The following SRP19 variants were observed in gnomAD, a reference collection of about 807,000 sequenced individuals.
The protein encoded by SRP19 is signal recognition particle 19 kDa protein.
Under a neutral mutation model 22.4 loss-of-function variants are expected in SRP19, and 11 were observed. The observed-to-expected ratio is 0.49, with a 90% CI of 0.31 to 0.81. SRP19 has a LOEUF of 0.81. Ranked by LOEUF, SRP19 falls within the 40% of genes least tolerant of loss-of-function variation. SRP19 has a pLI of 0.05. For missense variants in SRP19, 168 were observed against 175.9 expected, an observed-to-expected ratio of 0.96 and a Z score of 0.25; for synonymous variants, 61 against 57.6, an observed-to-expected ratio of 1.06 and a Z score of -0.27.
At chr5:112,862,473 T>A (rs772560932) in intron 1 of SRP19, 35 bp from the exon 2 acceptor site, 1 of 1,594,820 alleles carries the variant, frequency 6.3e-7, no homozygotes, top group Non-Finnish European at 8.6e-7. Flanking sequence ...CTCTTACTGC[T>A]CTAGTGATAC....
chr5:112,880,436 G>A (rs1371995546), intron 4 of SRP19, among the ~76,000 whole-genome samples: 1 of 151,934 alleles, frequency 6.6e-6, no homozygotes, highest in African/African-American at 2.4e-5. Context: ...TCTTGATGGA[G>A]CCAGAGCCTT....
chr5:112,862,023 T>C (rs1202348755), intron 1 of SRP19, among the ~76,000 whole-genome samples: 2 of 152,364 alleles, frequency 1.3e-5, no homozygotes, highest in East Asian at 3.9e-4. Flanking sequence ...ACCGAAAGAA[T>C]GTATTTTTGA....
Position 112,867,412 on chromosome 5 carries a change from G to A in SRP19, c.310G>A (p.Val104Ile). ...TAACTTCTGGTTCCTAGGTAAGTCA[G>A]TAATGTTGTATGCAGCAGAAATGAT... ...CLVQFPSRKS[V>I]MLYAAEMIPK... is the part of the protein sequence containing the mutation. Residue 104 changes from valine to isoleucine, a missense_variant, in exon 5 of 5, where the codon GTA (valine) becomes ATA (isoleucine). By Grantham distance (29) the Val-to-Ile change is conservative. Transcript: ENST00000505459. 4 of 1,612,566 alleles carry A rather than the reference G, an allele frequency of 2.5e-6. No individual in the cohort carries two copies. The highest frequency in any genetic ancestry group is 3.4e-6 in the Non-Finnish European group (4 of 1,179,054).
In SRP19 at chr5:112,884,487, C is replaced by T. The variant is rs187309786; in HGVS notation, c.302-7116C>T. ...TGATTACCTGGGCCCAAGTGATCCT[C>T]CTGCCTCAGCCTCCTGAGTAGCTGG... On this transcript the variant is annotated intron_variant, in intron 4 of 4. Transcript: ENST00000391338. Among the ~76,000 whole-genome samples the T allele has an allele frequency of 8.7e-4, 132 of 151,490 alleles. 1 individual carries two copies. Among genetic ancestry groups the T allele is most frequent in the Middle Eastern group, 3.4e-3 (1 of 294 alleles).
At chr5:112,893,149 C>G (rs1189296859), downstream of SRP19, 3 of 725,928 alleles carry the variant, frequency 4.1e-6, no homozygotes, top group Non-Finnish European at 6.4e-6. Flanking sequence ...GTGGCTCACA[C>G]CTGTAATCCC....
exon 5 of SRP19, chr5:112,892,207 G>A (rs1407096951): frequency 6.2e-7 from 1 of 1,614,172 alleles, no homozygotes; most frequent in Non-Finnish European, 8.5e-7. Flanking sequence ...CAGATTTGGA[G>A]ACAGATGTTC....
intron 4 of SRP19, among the ~76,000 whole-genome samples, chr5:112,886,728 A>G (rs532156826): frequency 4.7e-4 from 72 of 152,392 alleles, no homozygotes; most frequent in African/African-American, 9.9e-4. Context: ...ATGGACTTGC[A>G]TATCAATATA....
rs745340401 is a variant in SRP19, at chr5:112,887,154, C to T, written c.302-4449C>T. ...GCAGTTCAGCCCCATTAGAAGGGCT[C>T]GGGGCCATGCACCACAACAGGAAGC... On this transcript the variant is annotated intron_variant, in intron 4 of 4. Coordinates refer to the SRP19 transcript ENST00000391338. 2.0e-5 allele frequency: 32 copies of T among 1,607,760 alleles called. No individual in the cohort carries two copies. The East Asian group carries it at 2.2e-4, about 11-fold the overall frequency.
At chr5:112,887,374 G>T (rs1700252275) in intron 4 of SRP19, among the ~76,000 whole-genome samples, 1 of 152,182 alleles carries the variant, frequency 6.6e-6, no homozygotes, top group South Asian at 2.1e-4. Context: ...TAATGAGCTG[G>T]TAAGGAAAAG....
intron 2 of SRP19, 25 bp downstream of exon 2, chr5:112,862,608 ATCCTCGAGGG>A: frequency 6.2e-7 from 1 of 1,606,750 alleles, no homozygotes; most frequent in Non-Finnish European, 8.5e-7. Context: ...TGGCACCTTG[ATCCTCGAGGG>A]AATGGGGGGT....
chr5:112,897,131 A>G (rs1235702881), downstream of SRP19: 1 of 152,182 alleles, frequency 6.6e-6, no homozygotes, highest in African/African-American at 2.4e-5. Flanking sequence ...ATACTGTGTT[A>G]ATTGAAAAAA....
At chr5:112,865,586 C>T (rs1055031297) in intron 4 of SRP19, among the ~76,000 whole-genome samples, 22 of 151,544 alleles carry the variant, frequency 1.5e-4, no homozygotes, top group Non-Finnish European at 2.9e-4. Context: ...AATCGTCAGA[C>T]GAACTGACAG....
downstream of SRP19, among the ~76,000 whole-genome samples, chr5:112,870,003 G>A (rs1767722448): frequency 1.3e-5 from 2 of 152,096 alleles, no homozygotes. Context: ...CAATAAAATA[G>A]AACAATTATA....
chr5:112,878,866 A>G (rs765162340), intron 4 of SRP19: 17 of 1,613,826 alleles, frequency 1.1e-5, no homozygotes, highest in Middle Eastern at 1.6e-4. Context: ...AAAGAAAAAT[A>G]TATCAAAGCT....
exon 5 of SRP19, chr5:112,892,900 G>C (rs764088519): frequency 3.1e-6 from 5 of 1,610,348 alleles, no homozygotes; most frequent in Non-Finnish European, 4.2e-6. Context: ...AAAGAGTCGG[G>C]AGAGGCACAA....
rs141137994 is a variant in SRP19, at chr5:112,864,939, C to T, written c.301+207C>T. The T allele has an allele frequency of 7.6e-4, 295 of 386,574 alleles. 2 individuals are homozygous for T. In the East Asian group the frequency reaches 0.01, roughly 14 times the overall value. 23.9% of individuals were successfully genotyped at this position (386,574 alleles called of 1,614,324 possible). A position where few individuals can be genotyped will look rare whatever the true frequency, so the allele number is the denominator to read the frequency against. Reference sequence around the variant, plus strand: ...TGAAAATGTAATGAGACCCACTAAACATTTTTCAAAAAAATTGTTGTGTGA... The same window carrying T: ...TGAAAATGTAATGAGACCCACTAAATATTTTTCAAAAAAATTGTTGTGTGA... On this transcript the variant is annotated intron_variant, in intron 4 of 4. Coordinates refer to ENST00000505459, the MANE Select transcript of SRP19 (RefSeq NM_003135.3).
rs747009313 is a variant in SRP19 at position 112,864,654 on chromosome 5, G to A, written c.223G>A (p.Asp75Asn). Reference sequence around the variant, plus strand: ...AATGTACTCTAGAGAATGGAATCGTGATGTCCAATACAGAGGCAGAGTCCG... The same window carrying A: ...AATGTACTCTAGAGAATGGAATCGTAATGTCCAATACAGAGGCAGAGTCCG... ...NKMYSREWNR[D>N]VQYRGRVRVQ... The change falls in exon 4 of 5, where the codon GAT becomes AAT. Residue 75 changes from aspartate to asparagine, a missense_variant. By Grantham distance (23) the Asp-to-Asn change is conservative. Coordinates refer to ENST00000505459, the MANE Select transcript of SRP19 (RefSeq NM_003135.3). 15 of 1,613,980 alleles carry A rather than the reference G, an allele frequency of 9.3e-6. No individual in the cohort carries two copies. Among genetic ancestry groups the A allele is most frequent in the African/African-American group, 1.3e-5 (1 of 74,916 alleles).
At chr5:112,867,304 TCTTGA>T in intron 4 of SRP19, 95 bp from the exon 5 acceptor site, 1 of 1,380,966 alleles carries the variant, frequency 7.2e-7, no homozygotes, top group Non-Finnish European at 9.8e-7. Flanking sequence ...TTTTCCATTT[TCTTGA>T]TGTGATAGTT....
chr5:112,884,784 C>A (rs1258838697), intron 4 of SRP19, among the ~76,000 whole-genome samples: 1 of 151,634 alleles, frequency 6.6e-6, no homozygotes, highest in Non-Finnish European at 1.5e-5. Context: ...CCTTGGCCCC[C>A]CCCCATCTTT....
Sources: gnomAD v4.1 joint callset for allele counts (sites outside exome capture counted in the v4.1 genomes callset) on GRCh38, gnomAD v4.1.1 for gene constraint, MANE v1.5 for transcripts, NCBI Gene and HGNC (gene_info 2026-07-23, HGNC 2026-07-21) for gene names.